DOCK8: variants seen among roughly 807,000 people sequenced by gnomAD.
The protein encoded by DOCK8 is dedicator of cytokinesis 8.
In DOCK8, 141 loss-of-function variants were observed where a neutral mutation model predicts 245.6. The observed-to-expected ratio is 0.57, with a 90% CI of 0.50 to 0.66. DOCK8 has a LOEUF of 0.66. Among genes scored for constraint, DOCK8 ranks in the 30% least tolerant of loss-of-function variants. The pLI is 0.00. For missense variants in DOCK8, 2,965 were observed against 2,603.4 expected (o/e 1.14, Z -3.02); for synonymous variants, 1,168 against 970.2 (o/e 1.20, Z -3.79).
upstream of DOCK8, chr9:214,435 T>TA: frequency 6.7e-7 from 1 of 1,486,974 alleles, no homozygotes; most frequent in Non-Finnish European, 9.3e-7. Flanking sequence ...TCCTGATAGA[T>TA]TCCACTAACT....
Position 379,876 on chromosome 9 carries a change from C to T in DOCK8, c.2546C>T (p.Ala849Val). The T allele has an allele frequency of 6.2e-7, 1 of 1,614,256 alleles. No homozygotes were observed. The highest frequency in any genetic ancestry group is 1.6e-4 in the Middle Eastern group (1 of 6,062). Reference sequence around the variant, plus strand: ...CAGCATGGGAGGAACTGCCTGCTGGCTTCCTACGTGCACTACGTCTTCCGC... The same window carrying T: ...CAGCATGGGAGGAACTGCCTGCTGGTTTCCTACGTGCACTACGTCTTCCGC... ...KDQHGRNCLL[A>V]SYVHYVFRLP... The change falls in exon 21 of 48, where the codon GCT becomes GTT. Residue 849 changes from alanine to valine, a missense_variant. Ala to Val is a moderately conservative substitution (Grantham distance 64, BLOSUM62 0). Coordinates refer to ENST00000432829, the MANE Select transcript of DOCK8 (RefSeq NM_203447.4).
chr9:310,882 T>G (rs554546387), intron 5 of DOCK8, among the ~76,000 whole-genome samples: 13 of 152,360 alleles, frequency 8.5e-5, no homozygotes, highest in African/African-American at 2.9e-4. Context: ...TTTGTGATGT[T>G]CATCCCCGAC....
rs371512247 is a variant in DOCK8, at chr9:432,331, C to T, written c.4785+7C>T. 31 of 1,613,822 alleles carry T rather than the reference C, an allele frequency of 1.9e-5. No individual in the cohort carries two copies. The African/African-American group carries it at 2.0e-4, about 10-fold the overall frequency. On this transcript the variant is annotated splice_region_variant and intron_variant, in intron 37 of 47. Coordinates refer to ENST00000432829, the MANE Select transcript of DOCK8 (RefSeq NM_203447.4). Reference sequence around the variant, plus strand: ...GACTCCTTTTCCCACCCAGGTACACCGAAGCACATACCTTGTCTCATGCAT... The same window carrying T: ...GACTCCTTTTCCCACCCAGGTACACTGAAGCACATACCTTGTCTCATGCAT...
At chr9:276,833 G>A (rs1386268120) in intron 2 of DOCK8, among the ~76,000 whole-genome samples, 3 of 152,154 alleles carry the variant, frequency 2.0e-5, no homozygotes, top group African/African-American at 7.2e-5. Context: ...TTTAGAGACA[G>A]GGCCTTGCTC....
chr9:311,983 C>A lies in DOCK8; in HGVS notation c.558C>A (p.Cys186Ter). 3 of 1,614,076 alleles carry A rather than the reference C, an allele frequency of 1.9e-6. No homozygotes were observed. Among genetic ancestry groups the A allele is most frequent in the Non-Finnish European group, 2.5e-6 (3 of 1,180,046 alleles). The change falls in exon 6 of 48, where the codon TGC becomes TGA. Residue 186 changes from cysteine to a stop codon, truncating the protein, a stop_gained. Coordinates refer to ENST00000432829, the MANE Select transcript of DOCK8 (RefSeq NM_203447.4). LOFTEE classifies it high-confidence loss of function. ...QAGPRHLNVL[C>*]DVSGKGPVTA... The stretch of plus-strand genomic sequence containing the variant: ...GCCCCCGCCACTTAAACGTGCTGTG[C>A]GACGTGTCTGGGAAAGGCCCCGTCA...
In DOCK8 at chr9:340,333, A is replaced by C. The variant is rs763581920; in HGVS notation, c.1679+12A>C. Reference sequence around the variant, plus strand: ...CACACTGTGTACAGGTAAGAAACACAGGCTCGGGCTGGGCGTGGTGGCTTA... The same window carrying C: ...CACACTGTGTACAGGTAAGAAACACCGGCTCGGGCTGGGCGTGGTGGCTTA... On this transcript the variant is annotated intron_variant, in intron 14 of 47. Coordinates refer to ENST00000432829, the MANE Select transcript of DOCK8 (RefSeq NM_203447.4). 1.2e-6 allele frequency: 2 copies of C among 1,613,946 alleles called. No individual in the cohort carries two copies. The highest frequency in any genetic ancestry group is 2.2e-5 in the South Asian group (2 of 91,078).
At chr9:447,129 G>A (rs554845932) in intron 44 of DOCK8, among the ~76,000 whole-genome samples, 18 of 152,022 alleles carry the variant, frequency 1.2e-4, no homozygotes, top group Non-Finnish European at 2.4e-4. Flanking sequence ...AACAAGCTAC[G>A]TACCTTCAGT....
chr9:387,430 G>T (rs2054001097), intron 23 of DOCK8, among the ~76,000 whole-genome samples: 1 of 147,020 alleles, frequency 6.8e-6, no homozygotes, highest in African/African-American at 2.5e-5. Flanking sequence ...GCGACAGAAT[G>T]AGACTCCATT....
intron 2 of DOCK8, among the ~76,000 whole-genome samples, chr9:282,270 C>T (rs992261669): frequency 3.9e-5 from 6 of 152,164 alleles, no homozygotes; most frequent in Non-Finnish European, 5.9e-5. Context: ...CTCAGAACAT[C>T]ATTGCTGAGT....
At chr9:463,832 A>T (rs1304611758) in intron 47 of DOCK8, 145 bp downstream of exon 47, 9 of 972,858 alleles carry the variant, frequency 9.3e-6, no homozygotes, top group African/African-American at 1.6e-5. Context: ...AGAGGCTACC[A>T]GAGTGTGATT....
chr9:429,127 C>T (rs2056612638), intron 35 of DOCK8, among the ~76,000 whole-genome samples: 1 of 152,128 alleles, frequency 6.6e-6, no homozygotes, highest in African/African-American at 2.4e-5. Flanking sequence ...CCACCGCACC[C>T]AGCTAATTTT....
At chr9:360,262 G>A (rs887947473) in intron 14 of DOCK8, among the ~76,000 whole-genome samples, 1 of 150,942 alleles carries the variant, frequency 6.6e-6, no homozygotes, top group Non-Finnish European at 1.5e-5. Flanking sequence ...GTTGCAGTTA[G>A]CTGAGATCAT....
intron 14 of DOCK8, among the ~76,000 whole-genome samples, chr9:344,396 G>A (rs566666348): frequency 2.0e-5 from 3 of 152,278 alleles, no homozygotes; most frequent in Non-Finnish European, 2.9e-5. Context: ...GTCCTTGTGT[G>A]CTTTAGGGTG....
At chr9:384,515 T>G (rs969894854) in intron 22 of DOCK8, among the ~76,000 whole-genome samples, 2 of 152,206 alleles carry the variant, frequency 1.3e-5, no homozygotes, top group Non-Finnish European at 2.9e-5. Flanking sequence ...TGCCCCGCTG[T>G]GTGGCCATGG....
chr9:293,299 G>A (rs2049122807), intron 4 of DOCK8, among the ~76,000 whole-genome samples: 1 of 152,182 alleles, frequency 6.6e-6, no homozygotes, highest in South Asian at 2.1e-4. Context: ...GGATCATTCT[G>A]TCTCTATATG....
Position 304,211 on chromosome 9 carries a change from A to G in DOCK8, c.405-370A>G, listed in dbSNP as rs377283042. ...TGGTTTTCTCTATTTTTATCTTCAA[A>G]CGATCTCTATTTGTGGCTTCTGCAC... On this transcript the variant is annotated intron_variant, in intron 4 of 47. Transcript: ENST00000432829. Among the ~76,000 whole-genome samples, 23 of 152,340 alleles carry G rather than the reference A, an allele frequency of 1.5e-4. No homozygotes were observed. The South Asian group carries it at 2.5e-3, about 16-fold the overall frequency.
Position 414,866 on chromosome 9 carries a change from A to G in DOCK8, c.3615A>G (p.Pro1205=). 2 of 1,614,238 alleles carry G rather than the reference A, an allele frequency of 1.2e-6. No homozygotes were observed. Among genetic ancestry groups the G allele is most frequent in the Non-Finnish European group, 1.7e-6 (2 of 1,180,048 alleles). ...SHDLDPRCVK[P]EVKVKIAALY... Reference sequence around the variant, plus strand: ...ACCTGGACCCACGCTGTGTCAAACCAGAGGTGAAGGTCAAAATCGCCGCCC... The same window carrying G: ...ACCTGGACCCACGCTGTGTCAAACCGGAGGTGAAGGTCAAAATCGCCGCCC... The change falls in exon 29 of 48, where the codon CCA becomes CCG. Residue 1205 remains proline, a synonymous_variant. Coordinates refer to ENST00000432829, the MANE Select transcript of DOCK8 (RefSeq NM_203447.4).
intron 39 of DOCK8, among the ~76,000 whole-genome samples, chr9:438,731 C>A (rs2056987459): frequency 6.6e-6 from 1 of 152,202 alleles, no homozygotes; most frequent in East Asian, 1.9e-4. Context: ...AACACACACA[C>A]AGTAACTGCT....
intron 3 of DOCK8, among the ~76,000 whole-genome samples, chr9:288,586 A>C (rs1047680924): frequency 6.6e-6 from 1 of 152,254 alleles, no homozygotes; most frequent in Non-Finnish European, 1.5e-5. Context: ...ATTGTGTGCC[A>C]GGCAGTCTTC....
Sources: gnomAD v4.1 joint callset for allele counts (sites outside exome capture counted in the v4.1 genomes callset) on GRCh38, gnomAD v4.1.1 for gene constraint, MANE v1.5 for transcripts, NCBI Gene and HGNC (gene_info 2026-07-23, HGNC 2026-07-21) for gene names.